ADAMTS17: variants seen among roughly 807,000 people sequenced by gnomAD.
ADAMTS17 encodes A disintegrin and metalloproteinase with thrombospondin motifs 17.
Under a neutral mutation model 141.5 loss-of-function variants are expected in ADAMTS17, and 113 were observed. That is an observed-to-expected ratio of 0.80 (90% CI 0.69 to 0.93). ADAMTS17 has a LOEUF of 0.93. Among genes scored for constraint, ADAMTS17 ranks in the 40% least tolerant of loss-of-function variants. The probability of loss-of-function intolerance (pLI) is 0.00; values close to 1 mark genes in which losing one functional copy is unlikely to be tolerated. For missense variants in ADAMTS17, 1,659 were observed against 1,517.9 expected (o/e 1.09, Z -1.54); for synonymous variants, 768 against 630.6 (o/e 1.22, Z -3.27).
chr15:100,250,143 G>C (rs558065944), intron 7 of ADAMTS17, among the ~76,000 whole-genome samples: 1 of 152,302 alleles, frequency 6.6e-6, no homozygotes, highest in Admixed American at 6.5e-5. Context: ...ATAAATACCA[G>C]ATTGAGCCAA....
chr15:99,994,193 G>A (rs1011860136), intron 19 of ADAMTS17, among the ~76,000 whole-genome samples: 12 of 152,306 alleles, frequency 7.9e-5, no homozygotes, highest in Middle Eastern at 3.4e-3. Flanking sequence ...TGACACAGGC[G>A]TAAACATATA....
At chr15:100,246,867 T>TTTTATTTATTTATTTATTTATTTATTTA (rs10525188) in intron 7 of ADAMTS17, among the ~76,000 whole-genome samples, 1 of 146,514 alleles carries the variant, frequency 6.8e-6, no homozygotes. Context: ...GCCCTTTTAT[T>TTTTATTTATTTATTTATTTATTTATTTA]TTTATTTATT....
At chr15:100,255,752 G>T (rs557510647) in intron 6 of ADAMTS17, among the ~76,000 whole-genome samples, 1 of 152,156 alleles carries the variant, frequency 6.6e-6, no homozygotes, top group Non-Finnish European at 1.5e-5. Context: ...CAAGGCCTCA[G>T]TCTGACAGAA....
intron 4 of ADAMTS17, among the ~76,000 whole-genome samples, chr15:100,280,201 T>A (rs1415519988): frequency 6.6e-6 from 1 of 152,136 alleles, no homozygotes; most frequent in Non-Finnish European, 1.5e-5. Context: ...TGTGGCCCCA[T>A]ATTCATTGCT....
intron 7 of ADAMTS17, among the ~76,000 whole-genome samples, chr15:100,230,526 G>T (rs558982978): frequency 1.3e-5 from 2 of 152,190 alleles, no homozygotes; most frequent in Admixed American, 1.3e-4. Flanking sequence ...AGACTGGGAT[G>T]GTCTGCAAAT....
intron 4 of ADAMTS17, among the ~76,000 whole-genome samples, chr15:100,262,825 A>T (rs1021776211): frequency 6.6e-6 from 1 of 151,936 alleles, no homozygotes; most frequent in East Asian, 1.9e-4. Flanking sequence ...AATTATGTGA[A>T]ATTCAAATGT....
intron 13 of ADAMTS17, 138 bp from the exon 14 acceptor site, chr15:100,109,254 C>T (rs991422949): frequency 1.3e-5 from 13 of 1,034,928 alleles, no homozygotes; most frequent in African/African-American, 3.3e-5. Context: ...AGCTCAGGTA[C>T]GCGCTCCAGG....
chr15:100,124,113 G>A (rs11637527), intron 12 of ADAMTS17, among the ~76,000 whole-genome samples: 54,800 of 151,658 alleles, frequency 0.36, 10,183 homozygotes, highest in East Asian at 0.43. Context: ...ACAGGTGTGC[G>A]CCACCATGCC....
At chr15:100,080,021 A>G (rs562015234) in intron 15 of ADAMTS17, among the ~76,000 whole-genome samples, 1 of 152,278 alleles carries the variant, frequency 6.6e-6, no homozygotes, top group South Asian at 2.1e-4. Context: ...AGCAGGCCGT[A>G]TATGTTCTGA....
chr15:100,199,428 A>C lies in ADAMTS17; in HGVS notation c.1076-5T>G. 6.2e-7 allele frequency: 1 copy of C among 1,613,458 alleles called. No individual in the cohort carries two copies. The highest frequency in any genetic ancestry group is 1.1e-5 in the South Asian group (1 of 91,064). ...CACCTCCTAAGTAAGCAATTCCTGC[A>C]GCAGAGACACAAAACACATCCTCTT... On this transcript the variant is annotated splice_region_variant and splice_polypyrimidine_tract_variant and intron_variant, in intron 7 of 21. Coordinates refer to ENST00000268070, the MANE Select transcript of ADAMTS17 (RefSeq NM_139057.4).
At chr15:100,012,374 G>A (rs1449582058) in intron 18 of ADAMTS17, among the ~76,000 whole-genome samples, 3 of 152,170 alleles carry the variant, frequency 2.0e-5, no homozygotes, top group African/African-American at 4.8e-5. Context: ...CCATGCAGAA[G>A]CTCTTTAGTT....
At chr15:100,137,765 G>C (rs2038409396) in intron 10 of ADAMTS17, among the ~76,000 whole-genome samples, 1 of 152,148 alleles carries the variant, frequency 6.6e-6, no homozygotes, top group South Asian at 2.1e-4. Context: ...TGCAAGGGTG[G>C]GTTCCCCAAA....
intron 12 of ADAMTS17, among the ~76,000 whole-genome samples, chr15:100,120,439 T>C (rs769142494): frequency 2.0e-4 from 30 of 152,232 alleles, no homozygotes; most frequent in Non-Finnish European, 3.5e-4. Context: ...GTTCTGACTG[T>C]TGATTGCTAC....
At chr15:100,059,069 C>A (rs569676686) in intron 15 of ADAMTS17, among the ~76,000 whole-genome samples, 1 of 152,200 alleles carries the variant, frequency 6.6e-6, no homozygotes, top group Non-Finnish European at 1.5e-5. Flanking sequence ...GGAAGAGATG[C>A]CTCTAATTGG....
intron 15 of ADAMTS17, among the ~76,000 whole-genome samples, chr15:100,069,070 C>G (rs1018192204): frequency 1.3e-5 from 2 of 152,166 alleles, no homozygotes; most frequent in African/African-American, 2.4e-5. Context: ...AGCTGAAAAC[C>G]AAGCCATGAG....
chr15:100,121,717 G>A (rs562026815), intron 12 of ADAMTS17, among the ~76,000 whole-genome samples: 2 of 151,832 alleles, frequency 1.3e-5, no homozygotes, highest in Admixed American at 1.3e-4. Context: ...AAGTTCAAAT[G>A]AAAGGATACT....
At chr15:100,105,444 T>C (rs1222828201) in intron 14 of ADAMTS17, among the ~76,000 whole-genome samples, 1 of 152,184 alleles carries the variant, frequency 6.6e-6, no homozygotes, top group Non-Finnish European at 1.5e-5. Context: ...GTCCTGGGGA[T>C]GGAGTGACAT....
intron 7 of ADAMTS17, among the ~76,000 whole-genome samples, chr15:100,211,177 C>A (rs537311971): frequency 4.0e-5 from 6 of 151,036 alleles, no homozygotes; most frequent in African/African-American, 1.5e-4. Flanking sequence ...TGGCCTGTGC[C>A]TGTAATCCCA....
intron 4 of ADAMTS17, among the ~76,000 whole-genome samples, chr15:100,267,492 A>AT (rs2043757341): frequency 6.6e-6 from 1 of 151,606 alleles, no homozygotes; most frequent in Admixed American, 6.6e-5. Context: ...TTCTTTTTTT[A>AT]TTTTCGTGGT....
Sources: gnomAD v4.1 joint callset for allele counts (sites outside exome capture counted in the v4.1 genomes callset) on GRCh38, gnomAD v4.1.1 for gene constraint, MANE v1.5 for transcripts, NCBI Gene and HGNC (gene_info 2026-07-23, HGNC 2026-07-21) for gene names.